LYPD6: variants seen among roughly 807,000 people sequenced by gnomAD.
The protein encoded by LYPD6 is LY6/PLAUR domain containing 6, also known as ly6/PLAUR domain-containing protein 6.
LYPD6 carries 15 observed loss-of-function variants against 22.7 expected under a neutral mutation model. The observed-to-expected ratio is 0.66, with a 90% CI of 0.44 to 1.02. The LOEUF is 1.02. LYPD6 is among the 50% of genes least tolerant of loss of function. The pLI is 0.00. For synonymous variants in LYPD6, 72 were observed against 77.5 expected, an observed-to-expected ratio of 0.93 and a Z score of 0.37; for missense variants, 189 against 208.4, an observed-to-expected ratio of 0.91 and a Z score of 0.57.
rs566015868 is a variant in LYPD6 at position 149,471,342 on chromosome 2, C to G, written c.*492C>G. On this transcript the variant is annotated 3_prime_UTR_variant, in exon 5 of 5. Coordinates refer to ENST00000334166, the MANE Select transcript of LYPD6 (RefSeq NM_194317.5). The stretch of plus-strand genomic sequence containing the variant: ...TGAATGGACTATTTCCTTGGAAATT[C>G]TGACTGAGTCCCTGGAAGAGTAGTA... 1 of 152,476 alleles carries G rather than the reference C, an allele frequency of 6.6e-6. No individual in the cohort carries two copies. The highest frequency in any genetic ancestry group is 2.1e-4 in the South Asian group (1 of 4,824). The allele number at this position is 152,476 out of a possible 1,614,324, so 9.4% of individuals were successfully genotyped here. A position where few individuals can be genotyped will look rare whatever the true frequency, so the allele number is the denominator to read the frequency against.
chr2:149,468,810 A>G, intron 4 of LYPD6, 35 bp downstream of exon 4: 1 of 1,607,282 alleles, frequency 6.2e-7, no homozygotes, highest in Non-Finnish European at 8.5e-7. Flanking sequence ...AGTACTACAT[A>G]GCCAGCTGCC....
intron 1 of LYPD6, among the ~76,000 whole-genome samples, chr2:149,405,807 T>G (rs1436910668): frequency 6.7e-6 from 1 of 149,376 alleles, no homozygotes; most frequent in Non-Finnish European, 1.5e-5. Context: ...GCTTTTCTAG[T>G]TCTTTTAATT....
downstream of LYPD6, among the ~76,000 whole-genome samples, chr2:149,477,474 T>C (rs996998965): frequency 2.0e-5 from 3 of 151,662 alleles, no homozygotes; most frequent in African/African-American, 7.3e-5. Flanking sequence ...AAAACAAAAA[T>C]TAGCCAGACG....
intron 3 of LYPD6, among the ~76,000 whole-genome samples, chr2:149,455,116 A>G (rs916263031): frequency 3.9e-5 from 6 of 152,070 alleles, no homozygotes; most frequent in Admixed American, 2.6e-4. Flanking sequence ...CCAGTCTACA[A>G]TGGCAGGCCT....
chr2:149,360,455 T>C (rs562859238), intron 1 of LYPD6, among the ~76,000 whole-genome samples: 32 of 152,354 alleles, frequency 2.1e-4, no homozygotes, highest in Non-Finnish European at 3.8e-4. Context: ...ACATCTACCA[T>C]GCACTTGAGC....
At chr2:149,333,122 G>T (rs997121945) in intron 1 of LYPD6, among the ~76,000 whole-genome samples, 1 of 152,084 alleles carries the variant, frequency 6.6e-6, no homozygotes, top group African/African-American at 2.4e-5. Flanking sequence ...CAAAATAGAT[G>T]ACTTAAATAA....
At chr2:149,344,813 C>G (rs1489785570) in intron 1 of LYPD6, among the ~76,000 whole-genome samples, 1 of 152,110 alleles carries the variant, frequency 6.6e-6, no homozygotes, top group African/African-American at 2.4e-5. Context: ...TAGACCTCCT[C>G]CTACAAAAAT....
chr2:149,397,903 T>C (rs1304503587), intron 1 of LYPD6, among the ~76,000 whole-genome samples: 7 of 151,752 alleles, frequency 4.6e-5, no homozygotes, highest in African/African-American at 1.7e-4. Context: ...TTCTAGAAAA[T>C]ATAAGACAAG....
chr2:149,388,771 C>T (rs1295254554), intron 1 of LYPD6, among the ~76,000 whole-genome samples: 2 of 152,090 alleles, frequency 1.3e-5, no homozygotes, highest in Non-Finnish European at 2.9e-5. Flanking sequence ...AATATCTTTT[C>T]CTCTTCTCTG....
chr2:149,381,773 T>C (rs150110772), intron 1 of LYPD6, among the ~76,000 whole-genome samples: 236 of 152,338 alleles, frequency 1.5e-3, no homozygotes, highest in African/African-American at 5.5e-3. Context: ...AACAACCCTG[T>C]GAAGTTGGCA....
At chr2:149,405,992 C>G (rs1398199257) in intron 1 of LYPD6, among the ~76,000 whole-genome samples, 2 of 149,266 alleles carry the variant, frequency 1.3e-5, no homozygotes, top group Non-Finnish European at 3.0e-5. Flanking sequence ...TCGTTATGTA[C>G]CCAGTAGTCA....
chr2:149,342,310 A>G (rs2105050131), intron 1 of LYPD6, among the ~76,000 whole-genome samples: 1 of 152,340 alleles, frequency 6.6e-6, no homozygotes, highest in South Asian at 2.1e-4. Flanking sequence ...ACAACACCCA[A>G]ACCATATCAG....
intron 3 of LYPD6, among the ~76,000 whole-genome samples, chr2:149,451,487 A>G (rs186700088): frequency 6.6e-6 from 1 of 152,338 alleles, no homozygotes; most frequent in East Asian, 1.9e-4. Flanking sequence ...ATGCAGAGGA[A>G]AAAGGAATGT....
intron 1 of LYPD6, among the ~76,000 whole-genome samples, chr2:149,373,026 G>A (rs1459594781): frequency 6.6e-6 from 1 of 152,174 alleles, no homozygotes; most frequent in African/African-American, 2.4e-5. Flanking sequence ...CTCTCTGGTT[G>A]TTGCTAGAGA....
Position 149,470,993 on chromosome 2 carries a change from C to T in LYPD6, c.*143C>T, listed in dbSNP as rs908704554. 1 of 697,560 alleles carries T rather than the reference C, an allele frequency of 1.4e-6. No individual in the cohort carries two copies. Among genetic ancestry groups the T allele is most frequent in the Non-Finnish European group, 2.4e-6 (1 of 424,482 alleles). 43.2% of individuals were successfully genotyped at this position (697,560 alleles called of 1,614,324 possible). ...CATCACAGCCAAGCATTGCCACTTA[C>T]CATGAGGAATAAATGTTGCTTCATT... On this transcript the variant is annotated 3_prime_UTR_variant, in exon 5 of 5. Coordinates refer to ENST00000334166, the MANE Select transcript of LYPD6 (RefSeq NM_194317.5).
At chr2:149,452,576 C>T (rs1383061505) in intron 3 of LYPD6, among the ~76,000 whole-genome samples, 1 of 152,012 alleles carries the variant, frequency 6.6e-6, no homozygotes, top group East Asian at 1.9e-4. Context: ...ACATAGTTAA[C>T]TGGGTTTAAA....
intron 1 of LYPD6, among the ~76,000 whole-genome samples, chr2:149,386,458 C>T (rs1414855758): frequency 1.3e-5 from 2 of 152,158 alleles, no homozygotes; most frequent in Non-Finnish European, 2.9e-5. Context: ...CATCCTAAAG[C>T]CTTCAGCAGT....
At chr2:149,356,587 G>T (rs941207231) in intron 1 of LYPD6, among the ~76,000 whole-genome samples, 1 of 152,166 alleles carries the variant, frequency 6.6e-6, no homozygotes, top group Non-Finnish European at 1.5e-5. Flanking sequence ...GACAGGAGGA[G>T]AATTTCTGGG....
rs80319317 is a variant in LYPD6 at position 149,465,734 on chromosome 2, G to A, written c.218-2911G>A. On this transcript the variant is annotated intron_variant, in intron 3 of 4. Transcript: ENST00000334166. ...GGGTTACTTTTAACTTTCAGAACGA[G>A]ATTATGAACTCTGTGTGCATGCGTG... is the stretch of plus-strand genomic sequence containing the variant. Among the ~76,000 whole-genome samples the A allele has an allele frequency of 2.5e-3, 374 of 152,318 alleles. 2 individuals are homozygous for A. The highest frequency in any genetic ancestry group is 8.4e-3 in the African/African-American group (348 of 41,586).
Sources: gnomAD v4.1 joint callset for allele counts (sites outside exome capture counted in the v4.1 genomes callset) on GRCh38, gnomAD v4.1.1 for gene constraint, MANE v1.5 for transcripts, NCBI Gene and HGNC (gene_info 2026-07-23, HGNC 2026-07-21) for gene names.